The following CAMK2B variants were observed in gnomAD, a reference collection of about 807,000 sequenced individuals.
CAMK2B encodes the protein calcium/calmodulin-dependent protein kinase type II subunit beta.
Under a neutral mutation model 93.7 loss-of-function variants are expected in CAMK2B, and 27 were observed. The ratio of observed to expected loss-of-function variants is 0.29; its 90% CI spans 0.21 to 0.40. CAMK2B has a LOEUF of 0.40. Among genes scored for constraint, CAMK2B ranks in the 10% least tolerant of loss-of-function variants. The pLI, the probability that CAMK2B is intolerant of heterozygous loss-of-function variation, is 1.00. For synonymous variants in CAMK2B, 374 were observed against 358.8 expected (o/e 1.04, Z -0.48); for missense variants, 568 against 895.8 (o/e 0.63, Z 4.67).
intron 16 of CAMK2B, among the ~76,000 whole-genome samples, chr7:44,232,583 G>A (rs544527741): frequency 7.2e-5 from 11 of 152,172 alleles, no homozygotes; most frequent in Non-Finnish European, 1.5e-4. Context: ...TGAGAGTGTC[G>A]GCCACATGGG....
intron 2 of CAMK2B, 98 bp downstream of exon 2, chr7:44,284,033 A>T: frequency 2.3e-6 from 2 of 856,910 alleles, no homozygotes; most frequent in Admixed American, 2.2e-5. Context: ...GTGCTGGCCA[A>T]GACTGGGAGG....
At chr7:44,298,054 G>A (rs961722297) in intron 1 of CAMK2B, among the ~76,000 whole-genome samples, 1 of 152,330 alleles carries the variant, frequency 6.6e-6, no homozygotes, top group East Asian at 1.9e-4. Context: ...AACCCGGAAG[G>A]TGGAGGTTGC....
chr7:44,226,846 A>G (rs1583791041), intron 19 of CAMK2B, among the ~76,000 whole-genome samples: 1 of 5,168 alleles, frequency 1.9e-4, no homozygotes, highest in Non-Finnish European at 3.2e-4. Context: ...GAGGGGATAT[A>G]GGGGAAAGAA....
At chr7:44,254,977 C>T (rs1025660495) in intron 4 of CAMK2B, among the ~76,000 whole-genome samples, 1 of 151,822 alleles carries the variant, frequency 6.6e-6, no homozygotes, top group Non-Finnish European at 1.5e-5. Flanking sequence ...GTGGGCAGCA[C>T]AGGAGCTTTG....
intron 1 of CAMK2B, among the ~76,000 whole-genome samples, chr7:44,315,022 G>T (rs762417509): frequency 6.6e-6 from 1 of 152,060 alleles, no homozygotes; most frequent in Non-Finnish European, 1.5e-5. Flanking sequence ...CCATTCTATG[G>T]ACTATTCTAT....
chr7:44,255,557 C>T (rs2096826859), intron 4 of CAMK2B, among the ~76,000 whole-genome samples: 1 of 152,190 alleles, frequency 6.6e-6, no homozygotes, highest in Non-Finnish European at 1.5e-5. Context: ...GGGGTCCAAG[C>T]CCCTCCTCTG....
chr7:44,220,126 C>A lies in CAMK2B; in HGVS notation c.1937G>T (p.Arg646Leu). Reference sequence around the variant, plus strand: ...GTGCACGTTCTGCCACTTGCCGTCGCGGCGGTGCCACACGCGGGTCTCCTC... The same window carrying A: ...GTGCACGTTCTGCCACTTGCCGTCGAGGCGGTGCCACACGCGGGTCTCCTC... ...QSEETRVWHR[R>L]DGKWQNVHFH... The change falls in exon 23 of 24, where the codon CGC becomes CTC. Residue 646 changes from arginine (R) to leucine (L), a missense_variant. By Grantham distance (102) the Arg-to-Leu change is moderately radical (BLOSUM62 -2). Transcript: ENST00000395749. The A allele has an allele frequency of 6.2e-7, 1 of 1,611,840 alleles. No homozygotes were observed. The highest frequency in any genetic ancestry group is 8.5e-7 in the Non-Finnish European group (1 of 1,179,746).
chr7:44,298,865 T>G (rs112631945), intron 1 of CAMK2B, among the ~76,000 whole-genome samples: 1 of 152,218 alleles, frequency 6.6e-6, no homozygotes, highest in Non-Finnish European at 1.5e-5. Flanking sequence ...ATTATAAATT[T>G]TTTTTAATTG....
intron 3 of CAMK2B, chr7:44,259,645 T>C (rs2096863266): frequency 6.6e-6 from 1 of 152,090 alleles, no homozygotes; most frequent in Non-Finnish European, 1.5e-5. Flanking sequence ...CTGGTCAGGA[T>C]GTGATGAATG....
chr7:44,309,508 A>C (rs900494119), intron 1 of CAMK2B, among the ~76,000 whole-genome samples: 1 of 152,118 alleles, frequency 6.6e-6, no homozygotes, highest in Non-Finnish European at 1.5e-5. Flanking sequence ...TCAGGTCCCC[A>C]GCTCCGTCGC....
At chr7:44,263,238 G>A (rs2096895377) in intron 2 of CAMK2B, among the ~76,000 whole-genome samples, 174 bp from the exon 3 acceptor site, 2 of 152,362 alleles carry the variant, frequency 1.3e-5, no homozygotes, top group South Asian at 4.1e-4. Context: ...TGGTGGCAAG[G>A]CTGGGGCAGG....
At chr7:44,219,963 C>CCA in intron 23 of CAMK2B, 97 bp downstream of exon 23, 1 of 793,962 alleles carries the variant, frequency 1.3e-6, no homozygotes, top group Non-Finnish European at 1.7e-6. Flanking sequence ...CATGGCTCTG[C>CCA]ACAGGCCCCA....
intron 1 of CAMK2B, among the ~76,000 whole-genome samples, chr7:44,287,149 AC>A (rs989755953): frequency 5.9e-5 from 9 of 151,968 alleles, no homozygotes; most frequent in Non-Finnish European, 1.2e-4. Flanking sequence ...TCCCAAGGAC[AC>A]CACTGCTCCC....
chr7:44,305,982 C>G (rs1013463080), intron 1 of CAMK2B, among the ~76,000 whole-genome samples: 9 of 152,042 alleles, frequency 5.9e-5, no homozygotes, highest in Non-Finnish European at 1.2e-4. Context: ...GACCAGGCAC[C>G]ACTTGAGAGG....
chr7:44,235,444 C>T (rs1263614049), intron 13 of CAMK2B, among the ~76,000 whole-genome samples: 1 of 152,242 alleles, frequency 6.6e-6, no homozygotes, highest in African/African-American at 2.4e-5. Context: ...GGCCCCAGCC[C>T]CCGGTGCCCA....
intron 1 of CAMK2B, among the ~76,000 whole-genome samples, chr7:44,305,657 A>G (rs1791270953): frequency 6.6e-6 from 1 of 152,116 alleles, no homozygotes; most frequent in African/African-American, 2.4e-5. Flanking sequence ...GAATCACAGG[A>G]CTTGAGCCAA....
intron 1 of CAMK2B, among the ~76,000 whole-genome samples, chr7:44,318,391 G>A (rs1795305653): frequency 6.6e-6 from 1 of 152,176 alleles, no homozygotes; most frequent in Non-Finnish European, 1.5e-5. Flanking sequence ...TACAGGGTGG[G>A]TGTGCCACTG....
chr7:44,254,725 CTAA>C (rs1254800055), intron 4 of CAMK2B, 118 bp from the exon 5 acceptor site: 6 of 522,322 alleles, frequency 1.1e-5, no homozygotes, highest in African/African-American at 6.1e-5. Flanking sequence ...CCCATCATCA[CTAA>C]TGTCACCATC....
rs1186675834 is a variant in CAMK2B at position 44,225,523 on chromosome 7, C to T, written c.1597+993G>A. The stretch of plus-strand genomic sequence containing the variant: ...GTCAACCCCTGCTGGGGGTCCTCAG[C>T]CGACCACAGAAGCTCTGGGGGTGAG... On this transcript the variant is annotated intron_variant, in intron 20 of 23. Transcript: ENST00000395749. The surrounding 1 kb of genome is among the most constrained non-coding windows in gnomAD (Gnocchi z 5.0). Among the ~76,000 whole-genome samples, 5 of 152,194 alleles carry T rather than the reference C, an allele frequency of 3.3e-5. No homozygotes were observed. Among genetic ancestry groups the T allele is most frequent in the African/African-American group, 1.2e-4 (5 of 41,454 alleles).
Sources: gnomAD v4.1 joint callset for allele counts (sites outside exome capture counted in the v4.1 genomes callset) on GRCh38, gnomAD v4.1.1 for gene constraint, Gnocchi (gnomAD v3.1) non-coding constraint, MANE v1.5 for transcripts, NCBI Gene and HGNC (gene_info 2026-07-23, HGNC 2026-07-21) for gene names.